Variants in RAVER2 observed in about 807,000 individuals in gnomAD.
The protein encoded by RAVER2 is ribonucleoprotein PTB-binding 2.
Under a neutral mutation model 78.1 loss-of-function variants are expected in RAVER2, and 46 were observed. The observed-to-expected ratio is 0.59, with a 90% CI of 0.46 to 0.75. The LOEUF (loss-of-function observed/expected upper bound fraction) is 0.75, where lower values mean the gene tolerates loss of function less well. Ranked by LOEUF, RAVER2 falls within the 30% of genes least tolerant of loss-of-function variation. The pLI, the probability that RAVER2 is intolerant of heterozygous loss-of-function variation, is 0.00. For synonymous variants in RAVER2, 311 were observed against 313.3 expected (o/e 0.99, Z 0.08); for missense variants, 793 against 837.5 (o/e 0.95, Z 0.66).
chr1:64,823,103 TGTG>T (rs1175238999), intron 11 of RAVER2, among the ~76,000 whole-genome samples: 2 of 152,060 alleles, frequency 1.3e-5, no homozygotes, highest in East Asian at 1.9e-4. Flanking sequence ...AGAATTCAAT[TGTG>T]GTGATAGTTG....
intron 11 of RAVER2, among the ~76,000 whole-genome samples, 168 bp from the exon 12 acceptor site, chr1:64,830,671 T>A (rs1570590259): frequency 6.6e-6 from 1 of 152,234 alleles, no homozygotes; most frequent in Non-Finnish European, 1.5e-5. Context: ...ATACAGAAAT[T>A]TAAAAGTCTT....
chr1:64,808,981 G>A (rs1027340531), intron 9 of RAVER2, among the ~76,000 whole-genome samples: 2 of 152,218 alleles, frequency 1.3e-5, no homozygotes, highest in East Asian at 3.9e-4. Context: ...GCCAAAATGG[G>A]GGCAGGTTCT....
intron 10 of RAVER2, 119 bp downstream of exon 10, chr1:64,812,968 A>T: frequency 1.8e-6 from 1 of 560,600 alleles, no homozygotes; most frequent in South Asian, 3.9e-5. Flanking sequence ...ATTAAGGCCT[A>T]AATTATTCTT....
intron 11 of RAVER2, among the ~76,000 whole-genome samples, chr1:64,826,341 G>A (rs569215690): frequency 1.1e-4 from 16 of 152,300 alleles, no homozygotes; most frequent in African/African-American, 3.1e-4. Context: ...GTTTAAATAC[G>A]TGGTCAAGGA....
exon 12 of RAVER2, chr1:64,831,113 G>A: frequency 1.0e-6 from 1 of 998,704 alleles, no homozygotes; most frequent in Non-Finnish European, 1.4e-6. Flanking sequence ...AAGGAACTGT[G>A]TTGTGCAGCA....
At chr1:64,748,667 A>C (rs930714660) in intron 1 of RAVER2, among the ~76,000 whole-genome samples, 8 of 152,328 alleles carry the variant, frequency 5.3e-5, no homozygotes, top group African/African-American at 1.9e-4. Context: ...CATAAACTTG[A>C]CACTTATGGA....
rs61732605 is a variant in RAVER2, at chr1:64,805,021, G to T, written c.1327G>T (p.Val443Leu). The T allele has an allele frequency of 3.9e-3, 6,287 of 1,613,950 alleles. 243 individuals carry two copies. In the African/African-American group the frequency reaches 0.075, roughly 19 times the overall value. ...CGGCTTACTTGGAGAGCCCCCAGCT[G>T]TGGTACTTCAGACTGCACTAGGGAT... The change falls in exon 8 of 12, where the codon GTG (valine) becomes TTG (leucine). Residue 443 changes from valine to leucine, a missense_variant. Val to Leu is a conservative substitution (Grantham distance 32, BLOSUM62 1). Coordinates refer to ENST00000294428, the Ensembl canonical transcript of RAVER2.
At chr1:64,762,091 C>A (rs1215172734) in intron 1 of RAVER2, among the ~76,000 whole-genome samples, 1 of 152,040 alleles carries the variant, frequency 6.6e-6, no homozygotes, top group Non-Finnish European at 1.5e-5. Flanking sequence ...CTTGTAAGGT[C>A]AATGTACAAG....
chr1:64,750,350 C>T (rs1651665545), intron 1 of RAVER2, among the ~76,000 whole-genome samples: 1 of 150,068 alleles, frequency 6.7e-6, no homozygotes, highest in African/African-American at 2.5e-5. Context: ...TTCTCTGTCT[C>T]CCAGGCTGGA....
At chr1:64,777,089 T>C (rs1324598813) in intron 2 of RAVER2, among the ~76,000 whole-genome samples, 1 of 152,200 alleles carries the variant, frequency 6.6e-6, no homozygotes, top group African/African-American at 2.4e-5. Context: ...AATATATACA[T>C]GAATTGGAGA....
intron 11 of RAVER2, among the ~76,000 whole-genome samples, chr1:64,824,406 GTACATT>G (rs1202407501): frequency 6.6e-6 from 1 of 152,170 alleles, no homozygotes; most frequent in Admixed American, 6.5e-5. Context: ...TTGCCAAAAA[GTACATT>G]GTGTTATGTA....
chr1:64,753,516 T>G (rs549368721), intron 1 of RAVER2, among the ~76,000 whole-genome samples: 1 of 147,880 alleles, frequency 6.8e-6, no homozygotes, highest in African/African-American at 2.5e-5. Flanking sequence ...TGGCAATGTA[T>G]AGAATTCTTT....
intron 1 of RAVER2, among the ~76,000 whole-genome samples, chr1:64,749,654 A>G (rs1651642539): frequency 6.6e-6 from 1 of 152,208 alleles, no homozygotes; most frequent in South Asian, 2.1e-4. Flanking sequence ...TAATATTTAT[A>G]ATTATTTTTA....
chr1:64,774,797 C>T lies in RAVER2; in HGVS notation c.317-2826C>T, dbSNP rs372062565. ...GGCCATTTTTACGATATTGATTCTT[C>T]CTATCCATGAGCATGGAATGTTTTT... On this transcript the variant is annotated intron_variant, in intron 2 of 11. Transcript: ENST00000294428. 5.3e-4 allele frequency among the ~76,000 whole-genome samples: 81 copies of T among 152,276 alleles called. No individual in the cohort carries two copies. The Middle Eastern group carries it at 0.017, about 32-fold the overall frequency.
chr1:64,814,266 TATATTTTTA>T (rs1653701182), intron 10 of RAVER2, among the ~76,000 whole-genome samples: 1 of 152,100 alleles, frequency 6.6e-6, no homozygotes, highest in African/African-American at 2.4e-5. Flanking sequence ...GGCAAATTTT[TATATTTTTA>T]GTATTTTTAT....
chr1:64,791,989 T>C (rs533022147), intron 5 of RAVER2, among the ~76,000 whole-genome samples: 14 of 152,338 alleles, frequency 9.2e-5, no homozygotes, highest in African/African-American at 3.4e-4. Context: ...AAAATAAATT[T>C]TGAGCAGAGC....
intron 9 of RAVER2, 120 bp from the exon 10 acceptor site, chr1:64,812,618 A>G: frequency 3.5e-6 from 2 of 576,178 alleles, no homozygotes; most frequent in Non-Finnish European, 5.8e-6. Context: ...ATTTTAGTGA[A>G]CATCCATAAA....
At chr1:64,760,969 T>C (rs1265743732) in intron 1 of RAVER2, among the ~76,000 whole-genome samples, 1 of 152,182 alleles carries the variant, frequency 6.6e-6, no homozygotes, top group East Asian at 1.9e-4. Context: ...TCACAAACTG[T>C]CTGTACAAGT....
At chr1:64,802,099 TG>T (rs1338777026) in intron 5 of RAVER2, among the ~76,000 whole-genome samples, 2 of 152,222 alleles carry the variant, frequency 1.3e-5, no homozygotes, top group African/African-American at 4.8e-5. Flanking sequence ...ATTTGTAAAC[TG>T]TCATGGTACT....
Sources: gnomAD v4.1 joint callset for allele counts (sites outside exome capture counted in the v4.1 genomes callset) on GRCh38, gnomAD v4.1.1 for gene constraint, MANE v1.5 for transcripts, NCBI Gene and HGNC (gene_info 2026-07-23, HGNC 2026-07-21) for gene names.